TEX9: variants seen among roughly 807,000 people sequenced by gnomAD.
The protein encoded by TEX9 is testis expressed 9.
In TEX9, 74 loss-of-function variants were observed where a neutral mutation model predicts 59.6. The ratio of observed to expected loss-of-function variants is 1.24; its 90% CI spans 1.03 to 1.51. TEX9 has a LOEUF of 1.51. TEX9 is among the 40% of genes most tolerant of loss of function. TEX9 has a pLI of 0.00. For synonymous variants in TEX9, 186 were observed against 152.2 expected (o/e 1.22, Z -1.64); for missense variants, 522 against 447.8 (o/e 1.17, Z -1.49).
chr15:56,448,131 T>A (rs1256371445), downstream of TEX9, among the ~76,000 whole-genome samples: 2 of 152,212 alleles, frequency 1.3e-5, no homozygotes, highest in Middle Eastern at 3.2e-3. Flanking sequence ...TTATTTGTGG[T>A]CACAGGCTTT....
rs151052408 is a variant in TEX9, at chr15:56,249,721, C to T, written c.-107+5443C>T. Among the ~76,000 whole-genome samples the T allele has an allele frequency of 1.2e-3, 135 of 114,002 alleles. 2 individuals carry two copies. The East Asian group carries it at 0.031, about 26-fold the overall frequency. The allele number at this position is 114,002 out of a possible 152,430, so 74.8% of individuals were successfully genotyped here. A position where few individuals can be genotyped will look rare whatever the true frequency, so the allele number is the denominator to read the frequency against. ...TTGTGCCACTGCACTCCAGCCTGGG[C>T]GACACAGTGAGGATCTGTCTCAAAA... On this transcript the variant is annotated intron_variant, in intron 1 of 5. Transcript: ENST00000560827.
intron 1 of TEX9, among the ~76,000 whole-genome samples, chr15:56,292,781 T>G (rs1411238521): frequency 3.3e-5 from 5 of 152,126 alleles, no homozygotes; most frequent in African/African-American, 1.2e-4. Flanking sequence ...TCATACCCAA[T>G]AGCTGACTGA....
intron 1 of TEX9, among the ~76,000 whole-genome samples, chr15:56,349,056 G>GTTA (rs1415554321): frequency 1.3e-5 from 2 of 151,994 alleles, no homozygotes; most frequent in Non-Finnish European, 2.9e-5. Context: ...TCCATGAGTA[G>GTTA]TTATAATAAC....
chr15:56,376,530 G>C (rs1405512871), intron 3 of TEX9, among the ~76,000 whole-genome samples: 4 of 151,918 alleles, frequency 2.6e-5, no homozygotes, highest in Non-Finnish European at 5.9e-5. Context: ...CTTTTTTTAT[G>C]CCTGTTTGCC....
At chr15:56,435,667 G>A (rs568028995) in intron 12 of TEX9, among the ~76,000 whole-genome samples, 11 of 151,876 alleles carry the variant, frequency 7.2e-5, no homozygotes, top group South Asian at 2.1e-4. Flanking sequence ...TTAAGGAGAC[G>A]GAATTAATAA....
At chr15:56,266,222 G>C (rs2044378689) in intron 1 of TEX9, among the ~76,000 whole-genome samples, 1 of 151,686 alleles carries the variant, frequency 6.6e-6, no homozygotes, top group Non-Finnish European at 1.5e-5. Flanking sequence ...CACTGCCTGG[G>C]TTTAAGCAAT....
chr15:56,451,533 G>A, the TEX9 span, among the ~76,000 whole-genome samples: 1 of 152,142 alleles, frequency 6.6e-6, no homozygotes, highest in African/African-American at 2.4e-5. Flanking sequence ...GACAGGAGCT[G>A]GGAGCTGCCT....
chr15:56,446,608 G>C (rs552214874), downstream of TEX9, among the ~76,000 whole-genome samples: 19 of 151,984 alleles, frequency 1.3e-4, no homozygotes, highest in African/African-American at 4.6e-4. Flanking sequence ...AAGAATGCTG[G>C]GAGTTACTGA....
chr15:56,437,303 A>G (rs892851469), intron 12 of TEX9, among the ~76,000 whole-genome samples: 1 of 152,144 alleles, frequency 6.6e-6, no homozygotes, highest in African/African-American at 2.4e-5. Context: ...AGGCAAGGCT[A>G]TTTCAACATA....
chr15:56,451,212 G>A, the TEX9 span, among the ~76,000 whole-genome samples: 6 of 152,152 alleles, frequency 3.9e-5, no homozygotes, highest in African/African-American at 7.2e-5. Context: ...AGTTTTTCAC[G>A]TAGTCCCAAG....
intron 1 of TEX9, among the ~76,000 whole-genome samples, chr15:56,300,655 T>C (rs1396077004): frequency 6.8e-6 from 1 of 148,090 alleles, no homozygotes; most frequent in Non-Finnish European, 1.5e-5. Context: ...GGTGCTTGTG[T>C]CATTTCTCCT....
At chr15:56,323,997 T>G (rs1256594822) in intron 1 of TEX9, among the ~76,000 whole-genome samples, 2 of 152,128 alleles carry the variant, frequency 1.3e-5, no homozygotes, top group Non-Finnish European at 2.9e-5. Flanking sequence ...CCTGGTAGTA[T>G]TTTCCATAGC....
intron 2 of TEX9, among the ~76,000 whole-genome samples, chr15:56,371,048 G>A (rs1314416332): frequency 6.6e-6 from 1 of 152,004 alleles, no homozygotes; most frequent in East Asian, 1.9e-4. Flanking sequence ...GTAGAGCCGG[G>A]GTTTCGCTAT....
chr15:56,376,104 G>A (rs991024082), intron 3 of TEX9, among the ~76,000 whole-genome samples: 2 of 148,826 alleles, frequency 1.3e-5, no homozygotes, highest in African/African-American at 4.9e-5. Flanking sequence ...ATAGCTTTAG[G>A]AGATATACCT....
intron 1 of TEX9, among the ~76,000 whole-genome samples, chr15:56,291,726 G>T (rs1237088727): frequency 1.3e-5 from 2 of 152,092 alleles, no homozygotes; most frequent in Non-Finnish European, 2.9e-5. Flanking sequence ...TTCTACCTTT[G>T]AAAGAGCAAA....
At chr15:56,332,218 C>A (rs1481389546) in intron 1 of TEX9, among the ~76,000 whole-genome samples, 4 of 146,448 alleles carry the variant, frequency 2.7e-5, no homozygotes, top group Admixed American at 1.4e-4. Flanking sequence ...TTGGAACCAA[C>A]CCAAATGTCC....
Position 56,346,639 on chromosome 15 carries a change from C to G in TEX9, c.-106-26802C>G, listed in dbSNP as rs12324475. Reference sequence around the variant, plus strand: ...TTTGGGATATGCTTTATGACTCAACCACACGTTTTTCTTTAGGACATTTGC... The same window carrying G: ...TTTGGGATATGCTTTATGACTCAACGACACGTTTTTCTTTAGGACATTTGC... On this transcript the variant is annotated intron_variant, in intron 1 of 5. Coordinates refer to the TEX9 transcript ENST00000560827. 2.7e-3 allele frequency among the ~76,000 whole-genome samples: 415 copies of G among 152,260 alleles called. 4 individuals carry two copies. Among genetic ancestry groups the G allele is most frequent in the African/African-American group, 9.5e-3 (395 of 41,552 alleles).
At chr15:56,424,498 G>T (rs1393888476) in intron 10 of TEX9, among the ~76,000 whole-genome samples, 2 of 151,986 alleles carry the variant, frequency 1.3e-5, no homozygotes, top group Non-Finnish European at 2.9e-5. Context: ...TAAAGTTTTT[G>T]GGAGGTCTGT....
rs142707417 is a variant in TEX9 at position 56,318,489 on chromosome 15, A to G, written c.-106-54952A>G. Among the ~76,000 whole-genome samples the G allele has an allele frequency of 9.1e-4, 139 of 152,158 alleles. 1 individual carries two copies. Among genetic ancestry groups the G allele is most frequent in the African/African-American group, 3.0e-3 (126 of 41,530 alleles). ...GCCTTTTGATTGGAGTGGTTTTTCC[A>G]CTAAATTTGATTAGTGTTTAGTTTA... On this transcript the variant is annotated intron_variant, in intron 1 of 5. Transcript: ENST00000560827.
Sources: allele counts gnomAD v4.1 joint callset (sites outside exome capture counted in the v4.1 genomes callset), GRCh38; gene constraint gnomAD v4.1.1; transcripts MANE v1.5; gene names NCBI Gene and HGNC (gene_info 2026-07-23, HGNC 2026-07-21).